The following ATAD2B variants were observed in gnomAD, a reference collection of about 807,000 sequenced individuals.
ATAD2B encodes ATPase family AAA domain containing 2B.
A neutral mutation model predicts 167.6 loss-of-function variants in ATAD2B; 40 were observed. The ratio of observed to expected loss-of-function variants is 0.24; its 90% CI spans 0.19 to 0.31. The LOEUF (loss-of-function observed/expected upper bound fraction) is 0.31, where lower values mean the gene tolerates loss of function less well. Ranked by LOEUF, ATAD2B falls within the 10% of genes least tolerant of loss-of-function variation. The pLI is 1.00. For synonymous variants in ATAD2B, 579 were observed against 596.5 expected (o/e 0.97, Z 0.43); for missense variants, 1,242 against 1,757.2 (o/e 0.71, Z 5.24).
chr2:23,803,475 T>G (rs1220864151), intron 18 of ATAD2B, among the ~76,000 whole-genome samples: 1 of 152,214 alleles, frequency 6.6e-6, no homozygotes, highest in Non-Finnish European at 1.5e-5. Flanking sequence ...TACAGATTCC[T>G]GGGACTCATT....
intron 22 of ATAD2B, among the ~76,000 whole-genome samples, chr2:23,782,157 C>T (rs1680167141): frequency 6.6e-6 from 1 of 152,158 alleles, no homozygotes. Context: ...ATTAGCCTTG[C>T]TCCATTTTCT....
chr2:23,777,106 A>G lies in ATAD2B; in HGVS notation c.3133+5763T>C, dbSNP rs796465118. Among the ~76,000 whole-genome samples, 17 of 152,274 alleles carry G rather than the reference A, an allele frequency of 1.1e-4. 1 individual carries two copies. Among genetic ancestry groups the G allele is most frequent in the African/African-American group, 3.8e-4 (16 of 41,566 alleles). ...ACACCAAGGGCACACAAGCATAGGG[A>G]AAAGGCCATGTGAGGACACAGAGAG... On this transcript the variant is annotated intron_variant, in intron 22 of 27. Transcript: ENST00000238789.
chr2:23,754,233 A>C lies in ATAD2B; in HGVS notation c.4281T>G (p.Leu1427=). Residue 1427 remains leucine, a synonymous_variant, in exon 27 of 28, where the codon CTT becomes CTG. Transcript: ENST00000238789. ...TACGATGACGGTAGATACACTGACT[A>C]AGAAGAGAATATAATCTCTCAAGCT... The part of the protein sequence containing the change: ...VDQLERLYSL[L]SQCIYRHRKD... The C allele has an allele frequency of 6.4e-7, 1 of 1,563,212 alleles. No homozygotes were observed. The highest frequency in any genetic ancestry group is 1.2e-5 in the South Asian group (1 of 84,330).
intron 13 of ATAD2B, among the ~76,000 whole-genome samples, chr2:23,852,242 C>A (rs1231279915): frequency 2.0e-5 from 3 of 152,072 alleles, no homozygotes; most frequent in African/African-American, 7.2e-5. Flanking sequence ...TGAATAACAT[C>A]AAACTTACAC....
At chr2:23,915,306 A>G (rs1702878070) in intron 1 of ATAD2B, among the ~76,000 whole-genome samples, 1 of 152,104 alleles carries the variant, frequency 6.6e-6, no homozygotes, top group African/African-American at 2.4e-5. Context: ...GGTTGAGGGC[A>G]TTAATAATTA....
chr2:23,915,374 A>G (rs964322847), intron 1 of ATAD2B, among the ~76,000 whole-genome samples: 8 of 151,768 alleles, frequency 5.3e-5, no homozygotes, highest in Non-Finnish European at 2.9e-5. Flanking sequence ...TCCTAGGCTA[A>G]TGGGGACATA....
chr2:23,814,851 G>C (rs1048078632), intron 17 of ATAD2B, among the ~76,000 whole-genome samples: 1 of 151,814 alleles, frequency 6.6e-6, no homozygotes, highest in Non-Finnish European at 1.5e-5. Context: ...TCAAGAGATC[G>C]AGACCATCCT....
At chr2:23,688,472 G>A in the ATAD2B span, among the ~76,000 whole-genome samples, 3 of 152,208 alleles carry the variant, frequency 2.0e-5, no homozygotes, top group African/African-American at 7.2e-5. Flanking sequence ...TGTCTGGAAG[G>A]AAGGGCATTT....
intron 21 of ATAD2B, among the ~76,000 whole-genome samples, chr2:23,784,148 C>G (rs895502466): frequency 2.0e-5 from 3 of 151,950 alleles, no homozygotes; most frequent in African/African-American, 7.2e-5. Flanking sequence ...ACATAAATGC[C>G]TGTGTATAAG....
At chr2:23,919,188 A>AAG (rs147968741) in intron 1 of ATAD2B, among the ~76,000 whole-genome samples, 57,371 of 150,798 alleles carry the variant, frequency 0.38, 12,009 homozygotes, top group East Asian at 0.62. Flanking sequence ...ATTAAAAAAA[A>AAG]AGAGAGAGAG....
At chr2:23,836,366 C>A (rs1385823311) in intron 13 of ATAD2B, among the ~76,000 whole-genome samples, 1 of 152,162 alleles carries the variant, frequency 6.6e-6, no homozygotes, top group African/African-American at 2.4e-5. Flanking sequence ...AACTGCAGGG[C>A]TCCAAAGTCA....
intron 8 of ATAD2B, chr2:23,872,452 T>C: frequency 2.7e-6 from 2 of 728,770 alleles, no homozygotes; most frequent in Admixed American, 1.8e-5. Context: ...GCTGTTGCCA[T>C]GCACTGCAAT....
the ATAD2B span, chr2:23,684,640 T>A: frequency 9.8e-7 from 1 of 1,017,360 alleles, no homozygotes; most frequent in Non-Finnish European, 1.4e-6. This position sits in a 1 kb window ranked among gnomAD's most constrained non-coding sequence, Gnocchi z 4.4. Flanking sequence ...CGTGACTCCC[T>A]GTCACAGAGC....
chr2:23,712,754 G>C, the ATAD2B span, among the ~76,000 whole-genome samples: 2 of 152,032 alleles, frequency 1.3e-5, no homozygotes, highest in Non-Finnish European at 2.9e-5. Flanking sequence ...AGACAAAGAG[G>C]AATCCCATGG....
chr2:23,710,884 G>A, the ATAD2B span, among the ~76,000 whole-genome samples: 9 of 152,106 alleles, frequency 5.9e-5, 1 homozygote, highest in Admixed American at 2.6e-4. Context: ...GTATCCCTGG[G>A]GGTCTAGGAA....
chr2:23,740,607 CA>C, the ATAD2B span, among the ~76,000 whole-genome samples: 4 of 152,054 alleles, frequency 2.6e-5, no homozygotes, highest in Middle Eastern at 3.2e-3. Context: ...ACTGAATGGG[CA>C]AAAACTGGAA....
At chr2:23,680,785 C>T in the ATAD2B span, among the ~76,000 whole-genome samples, 1 of 151,982 alleles carries the variant, frequency 6.6e-6, no homozygotes, top group South Asian at 2.1e-4. The surrounding 1 kb of genome is among the most constrained non-coding windows in gnomAD (Gnocchi z 4.1). Context: ...GCCATCTTCT[C>T]CTGGGGTCTC....
intron 17 of ATAD2B, among the ~76,000 whole-genome samples, chr2:23,816,742 A>G (rs1354632788): frequency 6.6e-6 from 1 of 152,102 alleles, no homozygotes; most frequent in African/African-American, 2.4e-5. Flanking sequence ...AAACAAAGCT[A>G]TTTTCATTTG....
intron 23 of ATAD2B, among the ~76,000 whole-genome samples, chr2:23,764,225 C>T (rs190707068): frequency 3.2e-4 from 49 of 152,330 alleles, no homozygotes; most frequent in African/African-American, 1.1e-3. Context: ...TTTCATCTTC[C>T]TACCCTGGCA....
Sources: allele counts gnomAD v4.1 joint callset (sites outside exome capture counted in the v4.1 genomes callset), GRCh38; gene constraint gnomAD v4.1.1; non-coding constraint Gnocchi (gnomAD v3.1); transcripts MANE v1.5; gene names NCBI Gene and HGNC (gene_info 2026-07-23, HGNC 2026-07-21).